The following GALNT9 variants were observed in gnomAD, a reference collection of about 807,000 sequenced individuals.
GALNT9 encodes the protein GalNAc transferase 9.
GALNT9 carries 47 observed loss-of-function variants against 63.1 expected under a neutral mutation model. The ratio of observed to expected loss-of-function variants is 0.75; its 90% CI spans 0.59 to 0.95. The LOEUF is 0.95. Ranked by LOEUF, GALNT9 falls within the 40% of genes least tolerant of loss-of-function variation. The pLI is 0.00. For synonymous variants in GALNT9, 396 were observed against 365.7 expected (o/e 1.08, Z -0.94); for missense variants, 829 against 874.8 (o/e 0.95, Z 0.66).
At chr12:132,201,011 G>C in intron 8 of GALNT9, 113 bp downstream of exon 8, 1 of 1,060,504 alleles carries the variant, frequency 9.4e-7, no homozygotes, top group Middle Eastern at 2.9e-4. Flanking sequence ...TGGGGGAGGC[G>C]CTACCTCTCC....
intron 1 of GALNT9, among the ~76,000 whole-genome samples, chr12:132,287,324 C>G (rs1207331208): frequency 6.6e-6 from 1 of 152,202 alleles, no homozygotes; most frequent in Non-Finnish European, 1.5e-5. Flanking sequence ...GATGGTCAGG[C>G]CTACTAATGT....
intron 6 of GALNT9, among the ~76,000 whole-genome samples, chr12:132,229,955 C>T (rs1463807337): frequency 4.6e-5 from 7 of 152,232 alleles, no homozygotes; most frequent in African/African-American, 1.2e-4. Flanking sequence ...AAGCAAAGAA[C>T]AGTGAAATAC....
Position 132,197,956 on chromosome 12 carries a change from C to G in GALNT9, c.1501G>C (p.Val501Leu). The G allele has an allele frequency of 6.2e-7, 1 of 1,607,106 alleles. No homozygotes were observed. Among genetic ancestry groups the G allele is most frequent in the Non-Finnish European group, 8.5e-7 (1 of 1,176,464 alleles). ...YPCHGMSSQL[V>L]RYSADGLLQL... ...AGCAGTCCATCAGCGCTGTACCGCA[C>G]CAGCTGGGGACAGGACCACCGGGAC... The change falls in exon 10 of 11, where the codon GTG (valine) becomes CTG (leucine). Residue 501 changes from valine to leucine, a missense_variant. By Grantham distance (32) the Val-to-Leu change is conservative (BLOSUM62 1). Coordinates refer to ENST00000328957, the MANE Select transcript of GALNT9 (RefSeq NM_001122636.2).
At chr12:132,250,069 T>C (rs1878850525) in intron 5 of GALNT9, among the ~76,000 whole-genome samples, 1 of 152,084 alleles carries the variant, frequency 6.6e-6, no homozygotes. Context: ...GGTGGATACA[T>C]GGAGAGTGGC....
chr12:132,291,989 C>T (rs1204436142), intron 1 of GALNT9, among the ~76,000 whole-genome samples: 1 of 152,356 alleles, frequency 6.6e-6, no homozygotes, highest in Admixed American at 6.5e-5. Context: ...TCACAGTATG[C>T]CAGCCACGCT....
intron 6 of GALNT9, among the ~76,000 whole-genome samples, chr12:132,215,242 C>T (rs1359155310): frequency 2.0e-5 from 3 of 152,272 alleles, no homozygotes; most frequent in African/African-American, 7.2e-5. Context: ...GCAGGTGACA[C>T]AGCCCAGGCT....
chr12:132,210,675 C>T (rs1876916641), intron 6 of GALNT9, among the ~76,000 whole-genome samples: 1 of 152,220 alleles, frequency 6.6e-6, no homozygotes, highest in Admixed American at 6.5e-5. Flanking sequence ...CTGGCATGGG[C>T]AGGCTGTGCT....
rs1449094034 is a variant in GALNT9, at chr12:132,247,928, G to A, written c.1059C>T (p.Asn353=). ...DPGMEVYGGE[N]VELGMRVWQC... is the part of the protein sequence containing the mutation. Reference sequence around the variant, plus strand: ...CACTCACCCTCATGCCCAGTTCTACGTTCTCGCCGCCATACACCTCCATGC... The same window carrying A: ...CACTCACCCTCATGCCCAGTTCTACATTCTCGCCGCCATACACCTCCATGC... Residue 353 remains asparagine (N), a synonymous_variant, in exon 6 of 11, where the codon AAC becomes AAT. Coordinates refer to ENST00000328957, the MANE Select transcript of GALNT9 (RefSeq NM_001122636.2). 4.5e-6 allele frequency: 7 copies of A among 1,551,218 alleles called. No homozygotes were observed. Among genetic ancestry groups the A allele is most frequent in the East Asian group, 2.4e-5 (1 of 40,930 alleles).
intron 2 of GALNT9, among the ~76,000 whole-genome samples, chr12:132,263,458 G>C (rs1313708940): frequency 5.9e-5 from 9 of 152,148 alleles, no homozygotes; most frequent in African/African-American, 2.2e-4. Context: ...GGTTGGAAAG[G>C]AGAGGTTTTG....
intron 1 of GALNT9, among the ~76,000 whole-genome samples, chr12:132,304,643 GCCCGGACACAC>G (rs1881493582): frequency 6.7e-5 from 1 of 15,034 alleles, no homozygotes; most frequent in African/African-American, 2.9e-4. Context: ...GCACACCCTC[GCCCGGACACAC>G]CCTCACCCGG....
At chr12:132,224,607 A>ACATACACCC (rs1275110894) in intron 6 of GALNT9, among the ~76,000 whole-genome samples, 1 of 119,232 alleles carries the variant, frequency 8.4e-6, no homozygotes, top group African/African-American at 3.7e-5. Flanking sequence ...CACCCCACAA[A>ACATACACCC]CATACACCCC....
chr12:132,293,619 G>A (rs58961131), intron 1 of GALNT9, among the ~76,000 whole-genome samples: 2,179 of 152,310 alleles, frequency 0.014, 38 homozygotes, highest in African/African-American at 0.049. Context: ...TGTAGACAAC[G>A]TGCCACTTAA....
At chr12:132,243,157 C>T (rs1321724194) in intron 6 of GALNT9, among the ~76,000 whole-genome samples, 9 of 61,602 alleles carry the variant, frequency 1.5e-4, no homozygotes, top group African/African-American at 4.3e-4. Context: ...ACCCCCTTCC[C>T]GGGGCCCTCC....
chr12:132,211,648 G>A (rs995402667), intron 6 of GALNT9, among the ~76,000 whole-genome samples: 5 of 152,114 alleles, frequency 3.3e-5, no homozygotes, highest in Non-Finnish European at 4.4e-5. Context: ...TGGTTTTCCC[G>A]AATATTCTCT....
intron 6 of GALNT9, among the ~76,000 whole-genome samples, chr12:132,220,738 C>T (rs980972046): frequency 1.3e-5 from 2 of 152,122 alleles, no homozygotes; most frequent in African/African-American, 2.4e-5. Context: ...GGGGAGGCCA[C>T]GCACTGAGAA....
At position 132,282,422 on chromosome 12, in the gene GALNT9, C is replaced by T. The variant is rs1470490999; in HGVS notation, c.419+3828G>A. On this transcript the variant is annotated intron_variant, in intron 2 of 10. Coordinates refer to ENST00000328957, the MANE Select transcript of GALNT9 (RefSeq NM_001122636.2). This position sits in a 1 kb window ranked among gnomAD's most constrained non-coding sequence, Gnocchi z 4.5. Reference sequence around the variant, plus strand: ...GTGTGCGCGTGTGTGCGTGTGTGTGCGTGTGTGCGTGCATGCGTGTGTGTG... The same window carrying T: ...GTGTGCGCGTGTGTGCGTGTGTGTGTGTGTGTGCGTGCATGCGTGTGTGTG... Among the ~76,000 whole-genome samples, 8 of 151,174 alleles carry T rather than the reference C, an allele frequency of 5.3e-5. No individual in the cohort carries two copies. The highest frequency in any genetic ancestry group is 2.2e-4 in the South Asian group (1 of 4,586).
At chr12:132,202,992 C>T (rs1372469223) in intron 7 of GALNT9, among the ~76,000 whole-genome samples, 2 of 152,202 alleles carry the variant, frequency 1.3e-5, no homozygotes, top group African/African-American at 4.8e-5. Context: ...ACACGAGGGG[C>T]CCTTTCACAC....
At chr12:132,267,378 C>CA (rs1459243094) in intron 2 of GALNT9, among the ~76,000 whole-genome samples, 6 of 152,192 alleles carry the variant, frequency 3.9e-5, no homozygotes, top group Non-Finnish European at 1.5e-5. Flanking sequence ...TGGCCCATGG[C>CA]AAAAACAGCA....
intron 6 of GALNT9, among the ~76,000 whole-genome samples, chr12:132,237,809 T>G (rs2136895574): frequency 6.6e-6 from 1 of 152,330 alleles, no homozygotes; most frequent in South Asian, 2.1e-4. Flanking sequence ...GGACAGCGCT[T>G]GACCCGAGCG....
Sources: gnomAD v4.1 joint callset for allele counts (sites outside exome capture counted in the v4.1 genomes callset) on GRCh38, gnomAD v4.1.1 for gene constraint, Gnocchi (gnomAD v3.1) non-coding constraint, MANE v1.5 for transcripts, NCBI Gene and HGNC (gene_info 2026-07-23, HGNC 2026-07-21) for gene names.